Variants in SLC35F3 observed in about 807,000 individuals in gnomAD.
SLC35F3 encodes putative thiamine transporter SLC35F3.
A neutral mutation model predicts 49.9 loss-of-function variants in SLC35F3; 25 were observed. The ratio of observed to expected loss-of-function variants is 0.50; its 90% CI spans 0.37 to 0.70. The LOEUF is 0.70. SLC35F3 is among the 30% of genes least tolerant of loss of function. SLC35F3 has a pLI of 0.00. For synonymous variants in SLC35F3, 275 were observed against 265.4 expected, an observed-to-expected ratio of 1.04 and a Z score of -0.35; for missense variants, 525 against 639.8, an observed-to-expected ratio of 0.82 and a Z score of 1.94.
chr1:233,945,582 A>T (rs952580650), intron 2 of SLC35F3, among the ~76,000 whole-genome samples: 1 of 152,174 alleles, frequency 6.6e-6, no homozygotes, highest in Non-Finnish European at 1.5e-5. Context: ...AGGGATGTTG[A>T]TACAGTTTGG....
chr1:234,263,413 T>C (rs1667934372), intron 3 of SLC35F3, among the ~76,000 whole-genome samples: 1 of 152,208 alleles, frequency 6.6e-6, no homozygotes, highest in African/African-American at 2.4e-5. Context: ...CTGTTCCACC[T>C]CCCTTGTGAA....
intron 2 of SLC35F3, among the ~76,000 whole-genome samples, chr1:234,002,844 T>C (rs796560895): frequency 6.6e-6 from 1 of 152,244 alleles, no homozygotes; most frequent in Admixed American, 6.5e-5. Flanking sequence ...CATTTACTTA[T>C]GTCAGTATGG....
intron 2 of SLC35F3, among the ~76,000 whole-genome samples, chr1:234,086,124 G>A (rs916361771): frequency 1.3e-5 from 2 of 152,206 alleles, no homozygotes; most frequent in Non-Finnish European, 2.9e-5. Context: ...GTGAATGAAT[G>A]TATGCATTAG....
At chr1:234,051,685 G>A (rs1252695048) in intron 2 of SLC35F3, among the ~76,000 whole-genome samples, 1 of 152,148 alleles carries the variant, frequency 6.6e-6, no homozygotes, top group African/African-American at 2.4e-5. Flanking sequence ...TGTTGAATAG[G>A]AGTGGTGAGA....
rs150062411 is a variant in SLC35F3, at chr1:234,039,484, C to T, written c.283+133726C>T. ...AGGTGAGGGAGGCTTCACTGAGCAA[C>T]ATTAAACTGTATTCATTGATTAGTA... On this transcript the variant is annotated intron_variant, in intron 2 of 7. Transcript: ENST00000366618. 3.3e-3 allele frequency among the ~76,000 whole-genome samples: 498 copies of T among 152,258 alleles called. 1 individual carries two copies. Among genetic ancestry groups the T allele is most frequent in the South Asian group, 7.2e-3 (35 of 4,828 alleles).
intron 4 of SLC35F3, among the ~76,000 whole-genome samples, chr1:234,313,023 A>C (rs1310466151): frequency 6.6e-6 from 1 of 151,942 alleles, no homozygotes; most frequent in Non-Finnish European, 1.5e-5. Context: ...AGTCAGGGGC[A>C]TGCCACCACA....
chr1:233,946,532 G>A (rs1314443056), intron 2 of SLC35F3, among the ~76,000 whole-genome samples: 3 of 151,970 alleles, frequency 2.0e-5, no homozygotes, highest in African/African-American at 4.8e-5. Flanking sequence ...CATTTATAAT[G>A]TTTTCTTATT....
At chr1:234,192,919 T>C (rs1666752317) in intron 2 of SLC35F3, among the ~76,000 whole-genome samples, 1 of 152,144 alleles carries the variant, frequency 6.6e-6, no homozygotes, top group Non-Finnish European at 1.5e-5. Context: ...CAAGGAAAAC[T>C]ACAAAACACT....
intron 3 of SLC35F3, among the ~76,000 whole-genome samples, chr1:234,283,458 A>T (rs1001734664): frequency 1.3e-5 from 2 of 152,216 alleles, no homozygotes; most frequent in African/African-American, 2.4e-5. Flanking sequence ...GTTTAAGTCC[A>T]CCTGATGCTT....
rs111635085 is a variant in SLC35F3, at chr1:234,170,020, G to A, written c.284-61397G>A. Among the ~76,000 whole-genome samples the A allele has an allele frequency of 7.9e-3, 1,202 of 152,170 alleles. 20 individuals are homozygous for A. The highest frequency in any genetic ancestry group is 0.027 in the African/African-American group (1,116 of 41,510). ...CTGACCTCATGATCCGCCTGCCTCGGCCTCCCAAAATGCTGGGATTACAGG... is the reference window on the plus strand; with the variant it reads ...CTGACCTCATGATCCGCCTGCCTCGACCTCCCAAAATGCTGGGATTACAGG... On this transcript the variant is annotated intron_variant, in intron 2 of 7. Coordinates refer to ENST00000366618, the MANE Select transcript of SLC35F3 (RefSeq NM_173508.4).
chr1:233,954,078 C>A (rs1662654348), intron 2 of SLC35F3, among the ~76,000 whole-genome samples: 1 of 151,594 alleles, frequency 6.6e-6, no homozygotes, highest in Non-Finnish European at 1.5e-5. Flanking sequence ...ACAATCTCGG[C>A]TCACTGCAAC....
intron 3 of SLC35F3, among the ~76,000 whole-genome samples, chr1:234,308,254 A>C (rs1361349232): frequency 6.6e-6 from 1 of 152,190 alleles, no homozygotes; most frequent in African/African-American, 2.4e-5. Flanking sequence ...TGTATTAGAT[A>C]TACCCAAGAA....
rs563901180 is a variant in SLC35F3 at position 233,911,569 on chromosome 1, G to A, written c.283+5811G>A. Among the ~76,000 whole-genome samples, 7 of 152,242 alleles carry A rather than the reference G, an allele frequency of 4.6e-5. No homozygotes were observed. In the East Asian group the frequency reaches 9.6e-4, roughly 21 times the overall value. On this transcript the variant is annotated intron_variant, in intron 2 of 7. Coordinates refer to ENST00000366618, the MANE Select transcript of SLC35F3 (RefSeq NM_173508.4). Reference sequence around the variant, plus strand: ...CAGAACTATTATCTTTTAAGGAAACGAGGTGACCCCAGCTCACTTAGATCA... The same window carrying A: ...CAGAACTATTATCTTTTAAGGAAACAAGGTGACCCCAGCTCACTTAGATCA...
At chr1:234,182,717 A>G (rs1480262303) in intron 2 of SLC35F3, among the ~76,000 whole-genome samples, 1 of 152,186 alleles carries the variant, frequency 6.6e-6, no homozygotes. Context: ...TCCCCACAGC[A>G]TTGCTAATTA....
intron 2 of SLC35F3, among the ~76,000 whole-genome samples, chr1:234,079,275 G>A (rs1006533093): frequency 2.0e-5 from 3 of 152,034 alleles, no homozygotes; most frequent in Non-Finnish European, 4.4e-5. Context: ...TTTTTTATAC[G>A]GTGTGAGATT....
intron 2 of SLC35F3, among the ~76,000 whole-genome samples, chr1:234,058,544 C>G (rs1336711211): frequency 6.6e-6 from 1 of 151,830 alleles, no homozygotes; most frequent in Non-Finnish European, 1.5e-5. Flanking sequence ...GGGTCTCACT[C>G]TGTTTCCCAA....
Position 233,922,949 on chromosome 1 carries a change from G to C in SLC35F3, c.283+17191G>C, listed in dbSNP as rs552272203. Among the ~76,000 whole-genome samples the C allele has an allele frequency of 1.3e-3, 201 of 152,290 alleles. 1 individual carries two copies. In the South Asian group the frequency reaches 0.016, roughly 12 times the overall value. On this transcript the variant is annotated intron_variant, in intron 2 of 7. Transcript: ENST00000366618. ...TTTTTGTCAGGTTTGTCAAAGATCA[G>C]ATGGTTGTAGATGTGTGGTATTATT...
At chr1:234,072,755 T>C (rs1265472329) in intron 2 of SLC35F3, among the ~76,000 whole-genome samples, 1 of 152,140 alleles carries the variant, frequency 6.6e-6, no homozygotes, top group Non-Finnish European at 1.5e-5. Context: ...GGCTGCGGCC[T>C]ATGAGTCAGC....
intron 2 of SLC35F3, among the ~76,000 whole-genome samples, chr1:233,984,161 AG>A (rs757018509): frequency 6.6e-6 from 1 of 152,204 alleles, no homozygotes; most frequent in Non-Finnish European, 1.5e-5. Flanking sequence ...GGATTCAAAA[AG>A]CTACTCGGCT....
Sources: allele counts gnomAD v4.1 joint callset (sites outside exome capture counted in the v4.1 genomes callset), GRCh38; gene constraint gnomAD v4.1.1; transcripts MANE v1.5; gene names NCBI Gene and HGNC (gene_info 2026-07-23, HGNC 2026-07-21).